Variants in GRAMD4 observed in about 807,000 individuals in gnomAD.
GRAMD4 encodes GRAM domain-containing protein 4.
In GRAMD4, 25 loss-of-function variants were observed where a neutral mutation model predicts 83.9. That is an observed-to-expected ratio of 0.30 (90% confidence interval 0.22 to 0.42). GRAMD4 has a LOEUF of 0.42. Ranked by LOEUF, GRAMD4 falls within the 10% of genes least tolerant of loss-of-function variation. The pLI is 1.00. For missense variants in GRAMD4, 593 were observed against 788.7 expected, an observed-to-expected ratio of 0.75 and a Z score of 2.97; for synonymous variants, 336 against 320.9, an observed-to-expected ratio of 1.05 and a Z score of -0.50.
intron 1 of GRAMD4, among the ~76,000 whole-genome samples, chr22:46,598,188 G>C (rs1017944984): frequency 1.3e-5 from 2 of 151,886 alleles, no homozygotes; most frequent in African/African-American, 4.8e-5. Context: ...CTCCATGTTG[G>C]CCAGGCTGGT....
At chr22:46,634,594 C>T (rs1178491760) in intron 2 of GRAMD4, among the ~76,000 whole-genome samples, 2 of 152,210 alleles carry the variant, frequency 1.3e-5, no homozygotes, top group East Asian at 1.9e-4. Context: ...GCAAGTGGGT[C>T]GGAGCAAGCA....
rs781435661 is a variant in GRAMD4, at chr22:46,673,695, A to C, written c.1265A>C (p.Tyr422Ser). Reference sequence around the variant, plus strand: ...CTGCAGACGACCTCGTCACGGAGCTACGTACCCAGCGCACCGGCCGGCCTG... The same window carrying C: ...CTGCAGACGACCTCGTCACGGAGCTCCGTACCCAGCGCACCGGCCGGCCTG... ...RRLQTTSSRSYVPSAPAGLGK... is the reference protein window; with the variant it reads ...RRLQTTSSRSSVPSAPAGLGK... Residue 422 changes from tyrosine to serine, a missense_variant, in exon 15 of 19, where the codon TAC (tyrosine) becomes TCC (serine). Tyr to Ser is a moderately radical substitution (Grantham distance 144). Transcript: ENST00000406902. 6.2e-7 allele frequency: 1 copy of C among 1,612,774 alleles called. No individual in the cohort carries two copies. Among genetic ancestry groups the C allele is most frequent in the South Asian group, 1.1e-5 (1 of 91,090 alleles).
intron 3 of GRAMD4, among the ~76,000 whole-genome samples, chr22:46,645,928 C>G (rs2082065957): frequency 1.3e-5 from 2 of 152,184 alleles, no homozygotes; most frequent in Non-Finnish European, 2.9e-5. Context: ...GTGAGATTCC[C>G]CAGGGTTGTA....
chr22:46,590,234 CTGACTG>C (rs1195203639), intron 1 of GRAMD4, among the ~76,000 whole-genome samples: 1 of 152,186 alleles, frequency 6.6e-6, no homozygotes, highest in East Asian at 1.9e-4. Context: ...AGCTGGGAGT[CTGACTG>C]TGACAGCTCT....
At chr22:46,598,964 CT>C (rs2081287023) in intron 1 of GRAMD4, among the ~76,000 whole-genome samples, 1 of 152,106 alleles carries the variant, frequency 6.6e-6, no homozygotes, top group African/African-American at 2.4e-5. Context: ...GGTGGTGGGA[CT>C]GTGAGCTCCT....
At chr22:46,596,573 T>C (rs1236665759) in intron 1 of GRAMD4, among the ~76,000 whole-genome samples, 2 of 152,206 alleles carry the variant, frequency 1.3e-5, no homozygotes, top group Non-Finnish European at 2.9e-5. Context: ...GAGTCTCATG[T>C]GCTCTGTTGC....
intron 3 of GRAMD4, among the ~76,000 whole-genome samples, chr22:46,641,926 T>TC (rs1016941051): frequency 2.0e-5 from 3 of 152,204 alleles, no homozygotes; most frequent in Non-Finnish European, 4.4e-5. Context: ...ATGGTTGGAT[T>TC]CCCCCCTCAT....
intron 3 of GRAMD4, among the ~76,000 whole-genome samples, chr22:46,655,617 G>C (rs1309801798): frequency 2.0e-5 from 3 of 152,204 alleles, no homozygotes; most frequent in Non-Finnish European, 4.4e-5. Flanking sequence ...AGAGGGCTGG[G>C]GGGTAGCTCC....
intron 1 of GRAMD4, among the ~76,000 whole-genome samples, chr22:46,597,120 A>T (rs1041437420): frequency 6.6e-6 from 1 of 152,172 alleles, no homozygotes; most frequent in Non-Finnish European, 1.5e-5. Flanking sequence ...GGAGAGCTGC[A>T]AAGTGGCTCA....
At position 46,659,221 on chromosome 22, in the gene GRAMD4, C is replaced by G. The variant is rs1477565874; in HGVS notation, c.404+914C>G. Among the ~76,000 whole-genome samples the G allele has an allele frequency of 6.6e-6, 1 of 151,890 alleles. No homozygotes were observed. Among genetic ancestry groups the G allele is most frequent in the Non-Finnish European group, 1.5e-5 (1 of 67,960 alleles). On this transcript the variant is annotated intron_variant, in intron 4 of 18. Coordinates refer to ENST00000406902, the MANE Select transcript of GRAMD4 (RefSeq NM_015124.5). The surrounding 1 kb of genome is among the most constrained non-coding windows in gnomAD (Gnocchi z 4.1). ...CCAGCAGCCTCCTGCTTCGGCCTCCCTCTCAGCCTCCACTCCCTCAGCCTC... is the reference window on the plus strand; with the variant it reads ...CCAGCAGCCTCCTGCTTCGGCCTCCGTCTCAGCCTCCACTCCCTCAGCCTC...
intron 13 of GRAMD4, among the ~76,000 whole-genome samples, chr22:46,670,053 C>T (rs934958172): frequency 1.3e-5 from 2 of 152,344 alleles, no homozygotes; most frequent in South Asian, 2.1e-4. Flanking sequence ...ACAGCGTGTG[C>T]GGCTGTAGGA....
chr22:46,674,234 T>TA (rs770036310), intron 15 of GRAMD4, among the ~76,000 whole-genome samples: 6 of 152,152 alleles, frequency 3.9e-5, no homozygotes, highest in Non-Finnish European at 8.8e-5. Context: ...GAGGGCCTGT[T>TA]AAACTAAACC....
At chr22:46,585,735 G>A (rs560903742) in intron 1 of GRAMD4, among the ~76,000 whole-genome samples, 1 of 152,338 alleles carries the variant, frequency 6.6e-6, no homozygotes, top group East Asian at 1.9e-4. Context: ...TCTATGGGAT[G>A]GGGAAGGGCC....
At chr22:46,680,805 CCCATCCATCCATCCATCCATCCAT>C (rs751195568), downstream of GRAMD4, among the ~76,000 whole-genome samples, 2 of 55,842 alleles carry the variant, frequency 3.6e-5, no homozygotes, top group East Asian at 3.6e-4. Flanking sequence ...CATTCACCTA[CCCATCCATCCATCCATCCATCCAT>C]CCATCCATCC....
chr22:46,605,783 CAT>C (rs2081359602), intron 1 of GRAMD4, among the ~76,000 whole-genome samples: 1 of 147,884 alleles, frequency 6.8e-6, no homozygotes, highest in African/African-American at 2.5e-5. Flanking sequence ...AGCATCTCTG[CAT>C]GGGCCTATGG....
chr22:46,664,995 C>T (rs940019900), intron 8 of GRAMD4, among the ~76,000 whole-genome samples: 11 of 152,242 alleles, frequency 7.2e-5, no homozygotes, highest in South Asian at 2.1e-4. Context: ...CTGGGACCAC[C>T]GGCTTCACCC....
At chr22:46,668,339 C>T (rs1325785824) in intron 11 of GRAMD4, among the ~76,000 whole-genome samples, 172 bp downstream of exon 11, 1 of 152,206 alleles carries the variant, frequency 6.6e-6, no homozygotes, top group African/African-American at 2.4e-5. Context: ...CTTGTAGTCA[C>T]CCTGCCCTTG....
At chr22:46,605,226 G>A (rs1307400913) in intron 1 of GRAMD4, among the ~76,000 whole-genome samples, 1 of 152,146 alleles carries the variant, frequency 6.6e-6, no homozygotes, top group Non-Finnish European at 1.5e-5. Context: ...GGTTCACCCA[G>A]GTTTTGGTGC....
intron 3 of GRAMD4, among the ~76,000 whole-genome samples, chr22:46,646,816 G>C (rs1224639785): frequency 6.6e-6 from 1 of 152,218 alleles, no homozygotes; most frequent in African/African-American, 2.4e-5. Flanking sequence ...AAACAAAAGC[G>C]GTTTAATGGA....
Sources: allele counts gnomAD v4.1 joint callset (sites outside exome capture counted in the v4.1 genomes callset), GRCh38; gene constraint gnomAD v4.1.1; non-coding constraint Gnocchi (gnomAD v3.1); transcripts MANE v1.5; gene names NCBI Gene and HGNC (gene_info 2026-07-23, HGNC 2026-07-21).